Variants in CEMIP observed in about 807,000 individuals in gnomAD.
CEMIP encodes the protein cell migration-inducing and hyaluronan-binding protein.
In CEMIP, 105 loss-of-function variants were observed where a neutral mutation model predicts 156.9. The ratio of observed to expected loss-of-function variants is 0.67; its 90% CI spans 0.57 to 0.79. The LOEUF (loss-of-function observed/expected upper bound fraction) is 0.79. CEMIP is among the 30% of genes least tolerant of loss of function. The probability of loss-of-function intolerance (pLI) is 0.00; values close to 1 mark genes in which losing one functional copy is unlikely to be tolerated. For missense variants in CEMIP, 1,457 were observed against 1,769.4 expected (o/e 0.82, Z 3.17); for synonymous variants, 676 against 668.4 (o/e 1.01, Z -0.17).
rs184127578 is a variant in CEMIP at position 80,935,157 on chromosome 15, C to T, written c.3010-1517C>T. Among the ~76,000 whole-genome samples, 45 of 152,118 alleles carry T rather than the reference C, an allele frequency of 3.0e-4. No individual in the cohort carries two copies. The East Asian group carries it at 7.9e-3, about 27-fold the overall frequency. On this transcript the variant is annotated intron_variant, in intron 23 of 29. Coordinates refer to ENST00000394685, the MANE Select transcript of CEMIP (RefSeq NM_001293298.2). ...GCTGTAGGTGTGGGCAGAGGAAGGG[C>T]CAAGATGCTAATGGGAGTGAGTGGT...
chr15:80,800,446 G>T (rs1896347664), intron 1 of CEMIP, among the ~76,000 whole-genome samples: 2 of 152,282 alleles, frequency 1.3e-5, no homozygotes, highest in African/African-American at 4.8e-5. Context: ...GGCTGAATGT[G>T]GCTGGCTTTT....
At chr15:80,866,603 A>ATAAC (rs1898133775) in intron 1 of CEMIP, among the ~76,000 whole-genome samples, 1 of 143,238 alleles carries the variant, frequency 7.0e-6, no homozygotes, top group South Asian at 2.2e-4. Context: ...AAATAAATAA[A>ATAAC]TAAATAAATA....
At chr15:80,804,085 G>T (rs570221930) in intron 1 of CEMIP, among the ~76,000 whole-genome samples, 1 of 152,298 alleles carries the variant, frequency 6.6e-6, no homozygotes, top group African/African-American at 2.4e-5. Flanking sequence ...ATCAGATCTT[G>T]CGATACTTAT....
chr15:80,879,921 CAG>C, intron 5 of CEMIP, 67 bp downstream of exon 5: 1 of 1,591,386 alleles, frequency 6.3e-7, no homozygotes, highest in Non-Finnish European at 8.6e-7. Flanking sequence ...CTTTCCAAGA[CAG>C]AGAGAGAGGC....
At position 80,937,548 on chromosome 15, in the gene CEMIP, G is replaced by T. The variant is rs138276789; in HGVS notation, c.3222-246G>T. 1.3e-3 allele frequency among the ~76,000 whole-genome samples: 193 copies of T among 152,310 alleles called. 1 individual carries two copies. The highest frequency in any genetic ancestry group is 4.4e-3 in the African/African-American group (183 of 41,578). ...AAGTTCCATATGCAGCACCCCCAGGGTTGGCCCTGGAGACACACCAGTGAA... is the reference window on the plus strand; with the variant it reads ...AAGTTCCATATGCAGCACCCCCAGGTTTGGCCCTGGAGACACACCAGTGAA... On this transcript the variant is annotated intron_variant, in intron 24 of 29. Transcript: ENST00000394685.
intron 1 of CEMIP, among the ~76,000 whole-genome samples, chr15:80,814,045 T>A: frequency 1.3e-5 from 1 of 74,194 alleles, no homozygotes; most frequent in South Asian, 7.0e-4. Flanking sequence ...CTCTTTGGCT[T>A]TTTTTTTTTT....
intron 10 of CEMIP, among the ~76,000 whole-genome samples, chr15:80,892,119 C>T (rs1336479497): frequency 6.6e-6 from 1 of 152,078 alleles, no homozygotes; most frequent in East Asian, 1.9e-4. Context: ...CTTTTACGTG[C>T]TCCTCTTCCT....
At chr15:80,900,027 G>T (rs1899406227) in intron 12 of CEMIP, among the ~76,000 whole-genome samples, 1 of 152,130 alleles carries the variant, frequency 6.6e-6, no homozygotes, top group Admixed American at 6.5e-5. Flanking sequence ...TGCCTGCATG[G>T]AGGTGGGAGG....
intron 28 of CEMIP, among the ~76,000 whole-genome samples, chr15:80,944,331 G>C: frequency 6.6e-6 from 1 of 152,136 alleles, no homozygotes; most frequent in Admixed American, 6.5e-5. Context: ...ACTCACAATA[G>C]GTCTGGTGGA....
intron 1 of CEMIP, among the ~76,000 whole-genome samples, chr15:80,868,160 G>A (rs1033481098): frequency 2.6e-5 from 4 of 152,108 alleles, no homozygotes; most frequent in Non-Finnish European, 5.9e-5. Flanking sequence ...AGAAACCTAG[G>A]TCACAAAGGA....
chr15:80,839,071 A>C (rs1455121541), intron 1 of CEMIP, among the ~76,000 whole-genome samples: 1 of 152,184 alleles, frequency 6.6e-6, no homozygotes, highest in Non-Finnish European at 1.5e-5. Flanking sequence ...AAATAGAGGC[A>C]GCGGGACTCA....
At chr15:80,811,436 T>G (rs1338603507) in intron 1 of CEMIP, among the ~76,000 whole-genome samples, 2 of 152,238 alleles carry the variant, frequency 1.3e-5, no homozygotes, top group Non-Finnish European at 2.9e-5. Flanking sequence ...GATTTTGCTC[T>G]CTTCTGGACA....
At chr15:80,882,935 G>A (rs28578884) in intron 6 of CEMIP, among the ~76,000 whole-genome samples, 3,549 of 152,126 alleles carry the variant, frequency 0.023, 134 homozygotes, top group African/African-American at 0.082. Flanking sequence ...CGGGTGAGGT[G>A]GTCACTGGGC....
intron 7 of CEMIP, among the ~76,000 whole-genome samples, chr15:80,886,821 GTC>G (rs889313114): frequency 6.6e-6 from 1 of 152,172 alleles, no homozygotes; most frequent in Non-Finnish European, 1.5e-5. Context: ...ATTTAGCAAG[GTC>G]TCTGTTCCTT....
intron 1 of CEMIP, among the ~76,000 whole-genome samples, chr15:80,806,438 C>T (rs1896515611): frequency 6.6e-6 from 1 of 152,080 alleles, no homozygotes; most frequent in South Asian, 2.1e-4. Flanking sequence ...GGTGAGCGCT[C>T]ATAGAAGAAA....
rs1901821891 is a variant in CEMIP, at chr15:80,951,433, C to T, written c.*2509C>T. On this transcript the variant is annotated 3_prime_UTR_variant, in exon 30 of 30. Coordinates refer to ENST00000394685, the MANE Select transcript of CEMIP (RefSeq NM_001293298.2). ...CTCCTTGTTATTTCTGTTTGTAAGA[C>T]TTAAGTGAGTTAGGTCTTTAAGGAA... 1 of 152,548 alleles carries T rather than the reference C, an allele frequency of 6.6e-6. No individual in the cohort carries two copies. Among genetic ancestry groups the T allele is most frequent in the Non-Finnish European group, 1.5e-5 (1 of 68,016 alleles). The allele number at this position is 152,548 out of a possible 1,614,324, so 9.4% of individuals were successfully genotyped here.
chr15:80,892,669 AG>A (rs1182611090), intron 10 of CEMIP, among the ~76,000 whole-genome samples: 1 of 152,226 alleles, frequency 6.6e-6, no homozygotes, highest in Admixed American at 6.5e-5. Flanking sequence ...AATTTAAGGC[AG>A]CCCGCTCCCT....
intron 23 of CEMIP, among the ~76,000 whole-genome samples, chr15:80,934,527 A>G (rs993215432): frequency 1.3e-5 from 2 of 152,258 alleles, no homozygotes; most frequent in Non-Finnish European, 2.9e-5. Context: ...TCAGGTTCAC[A>G]GTGAGCCAGG....
In CEMIP at chr15:80,941,431, G is replaced by A. The variant is rs186175500; in HGVS notation, c.3408-418G>A. On this transcript the variant is annotated intron_variant, in intron 25 of 29. Coordinates refer to ENST00000394685, the MANE Select transcript of CEMIP (RefSeq NM_001293298.2). ...AGGAAGACAGAGCATCTCCTCACCG[G>A]GCACAATGCTGGGATGGAAAATGCT... Among the ~76,000 whole-genome samples the A allele has an allele frequency of 7.2e-5, 11 of 152,138 alleles. No individual in the cohort carries two copies. In the East Asian group the frequency reaches 1.7e-3, roughly 24 times the overall value.
Sources: allele counts gnomAD v4.1 joint callset (sites outside exome capture counted in the v4.1 genomes callset), GRCh38; gene constraint gnomAD v4.1.1; transcripts MANE v1.5; gene names NCBI Gene and HGNC (gene_info 2026-07-23, HGNC 2026-07-21).